MARK4: variants seen among roughly 807,000 people sequenced by gnomAD.
MARK4 encodes microtubule affinity regulating kinase 4, also known as MAP/microtubule affinity-regulating kinase 4.
Under a neutral mutation model 81.5 loss-of-function variants are expected in MARK4, and 19 were observed. The observed-to-expected ratio is 0.23, with a 90% CI of 0.16 to 0.34. The LOEUF (loss-of-function observed/expected upper bound fraction) is 0.34, where lower values mean the gene tolerates loss of function less well. MARK4 is among the 10% of genes least tolerant of loss of function. The pLI, the probability that MARK4 is intolerant of heterozygous loss-of-function variation, is 1.00. For synonymous variants in MARK4, 436 were observed against 439.0 expected (o/e 0.99, Z 0.08); for missense variants, 772 against 1,058.8 (o/e 0.73, Z 3.76).
chr19:45,278,880 C>T (rs1205568078), intron 10 of MARK4, among the ~76,000 whole-genome samples: 1 of 152,146 alleles, frequency 6.6e-6, no homozygotes, highest in Non-Finnish European at 1.5e-5. Flanking sequence ...GCCAGGATCA[C>T]AGGTGTGAGC....
At chr19:45,285,092 A>AAAAAC (rs1010964942) in intron 12 of MARK4, among the ~76,000 whole-genome samples, 5 of 151,418 alleles carry the variant, frequency 3.3e-5, no homozygotes, top group African/African-American at 9.7e-5. Flanking sequence ...ACTCTGTCTC[A>AAAAAC]AAAACAAAAC....
chr19:45,284,952 G>T (rs1970722767), intron 12 of MARK4, among the ~76,000 whole-genome samples: 1 of 152,090 alleles, frequency 6.6e-6, no homozygotes, highest in South Asian at 2.1e-4. Flanking sequence ...TTAGCCGGGT[G>T]TGGTGGTGAG....
chr19:45,280,831 C>G, intron 12 of MARK4, 97 bp downstream of exon 12: 1 of 1,509,520 alleles, frequency 6.6e-7, no homozygotes, highest in Non-Finnish European at 9.0e-7. Flanking sequence ...CAACAGAAAC[C>G]CACTGGAGCT....
At chr19:45,264,391 C>G (rs1041058572) in intron 4 of MARK4, among the ~76,000 whole-genome samples, 11 of 151,638 alleles carry the variant, frequency 7.3e-5, no homozygotes, top group Admixed American at 6.6e-5. Context: ...ATCCCAGCTA[C>G]TCGGGAGGCT....
At chr19:45,259,997 GA>G (rs1970360458) in intron 2 of MARK4, among the ~76,000 whole-genome samples, 1 of 151,858 alleles carries the variant, frequency 6.6e-6, no homozygotes, top group Admixed American at 6.6e-5. Context: ...TGAGCCAGGA[GA>G]ATCGCTTGAA....
chr19:45,289,405 A>AG (rs1970792737), intron 13 of MARK4, among the ~76,000 whole-genome samples: 1 of 150,712 alleles, frequency 6.6e-6, no homozygotes, highest in Non-Finnish European at 1.5e-5. Context: ...AAAAAAAAAA[A>AG]AAAGCATGGG....
intron 7 of MARK4, 113 bp downstream of exon 7, chr19:45,266,394 T>C: frequency 1.0e-6 from 1 of 987,934 alleles, no homozygotes; most frequent in Non-Finnish European, 1.6e-6. Flanking sequence ...CCAGCCCTTT[T>C]CTCCTCCTGC....
rs373164717 is a variant in MARK4 at position 45,271,753 on chromosome 19, G to T, written c.786+45G>T. The T allele has an allele frequency of 3.2e-6, 5 of 1,565,860 alleles. No individual in the cohort carries two copies. Among genetic ancestry groups the T allele is most frequent in the Admixed American group, 3.5e-5 (2 of 57,540 alleles). On this transcript the variant is annotated intron_variant, in intron 8 of 16. Coordinates refer to ENST00000262891, the MANE Select transcript of MARK4 (RefSeq NM_001199867.2). This position sits in a 1 kb window ranked among gnomAD's most constrained non-coding sequence, Gnocchi z 4.1. ...GCAGGGGCATCAGCCCCTCCCCACAGTCAGGCCCCTATCCCCCCCACACCT... is the reference window on the plus strand; with the variant it reads ...GCAGGGGCATCAGCCCCTCCCCACATTCAGGCCCCTATCCCCCCCACACCT...
At chr19:45,295,414 CTG>C (rs1399151202) in intron 14 of MARK4, among the ~76,000 whole-genome samples, 1 of 152,048 alleles carries the variant, frequency 6.6e-6, no homozygotes, top group Non-Finnish European at 1.5e-5. Context: ...AATCTTACCT[CTG>C]TGCTCACACT....
intron 1 of MARK4, among the ~76,000 whole-genome samples, chr19:45,254,707 G>A (rs1018412180): frequency 5.3e-5 from 8 of 152,224 alleles, no homozygotes; most frequent in Non-Finnish European, 1.5e-5. Flanking sequence ...TGGCCGTGGT[G>A]GTTGGAACTG....
intron 12 of MARK4, among the ~76,000 whole-genome samples, chr19:45,284,490 T>C (rs1185335208): frequency 6.6e-6 from 1 of 152,014 alleles, no homozygotes; most frequent in Non-Finnish European, 1.5e-5. Flanking sequence ...GCCCAGCTAA[T>C]TTTTTGTATT....
chr19:45,267,055 C>T (rs933983427), intron 7 of MARK4, among the ~76,000 whole-genome samples: 3 of 151,384 alleles, frequency 2.0e-5, no homozygotes, highest in Non-Finnish European at 4.4e-5. Flanking sequence ...CTTAAGAAGG[C>T]TTCGTTTTTA....
intron 4 of MARK4, 117 bp downstream of exon 4, chr19:45,263,484 G>A (rs1276610844): frequency 1.2e-5 from 15 of 1,301,122 alleles, no homozygotes; most frequent in Non-Finnish European, 1.6e-5. Flanking sequence ...GCTCACTCCT[G>A]TAATCCCAGC....
At chr19:45,274,344 C>G (rs1182153318) in intron 8 of MARK4, among the ~76,000 whole-genome samples, 1 of 151,812 alleles carries the variant, frequency 6.6e-6, no homozygotes, top group Non-Finnish European at 1.5e-5. Context: ...TCAAGACAGC[C>G]TTCTGGCCGG....
At position 45,251,603 on chromosome 19, in the gene MARK4, G is replaced by C; in HGVS notation, c.15G>C (p.Thr5=). MSSR[T]VLAPGNDRNS... Reference sequence around the variant, plus strand: ...ACCCGGAGAAGATGTCTTCGCGGACGGTGCTGGCCCCGGGCAACGATCGGA... The same window carrying C: ...ACCCGGAGAAGATGTCTTCGCGGACCGTGCTGGCCCCGGGCAACGATCGGA... The change falls in exon 1 of 17, where the codon ACG becomes ACC. Residue 5 remains threonine (T), a synonymous_variant. Transcript: ENST00000262891. 1 of 1,336,062 alleles carries C rather than the reference G, an allele frequency of 7.5e-7. No individual in the cohort carries two copies. Among genetic ancestry groups the C allele is most frequent in the African/African-American group, 1.7e-5 (1 of 60,214 alleles). The allele number at this position is 1,336,062 out of a possible 1,614,324, so 82.8% of individuals were successfully genotyped here. A position where few individuals can be genotyped will look rare whatever the true frequency, so the allele number is the denominator to read the frequency against.
chr19:45,256,339 G>C (rs1416943153), intron 1 of MARK4, among the ~76,000 whole-genome samples: 2 of 152,202 alleles, frequency 1.3e-5, no homozygotes, highest in Admixed American at 1.3e-4. Context: ...CGGGAAAGCT[G>C]AGGCAGGAGA....
In MARK4 at chr19:45,281,364, TTTC is replaced by T. The variant is rs1970671751; in HGVS notation, c.1276+633_1276+635del. 5.1e-5 allele frequency among the ~76,000 whole-genome samples: 6 copies of T among 118,104 alleles called. No homozygotes were observed. In the South Asian group the frequency reaches 1.2e-3, roughly 24 times the overall value. The allele number at this position is 118,104 out of a possible 152,430, so 77.5% of individuals were successfully genotyped here. A position where few individuals can be genotyped will look rare whatever the true frequency, so the allele number is the denominator to read the frequency against. ...GTGCCCAGCCTTTTCTTTTCTTTTC[TTTC>T]TTTTTTTTTTTGAGACAGAGTCTCA... On this transcript the variant is annotated intron_variant, in intron 12 of 16. Coordinates refer to ENST00000262891, the MANE Select transcript of MARK4 (RefSeq NM_001199867.2).
At position 45,262,794 on chromosome 19, in the gene MARK4, G is replaced by C. The variant is rs1179096331; in HGVS notation, c.253-319G>C. Among the ~76,000 whole-genome samples, 5 of 152,194 alleles carry C rather than the reference G, an allele frequency of 3.3e-5. No homozygotes were observed. In the East Asian group the frequency reaches 9.6e-4, roughly 29 times the overall value. On this transcript the variant is annotated intron_variant, in intron 2 of 16. Coordinates refer to ENST00000262891, the MANE Select transcript of MARK4 (RefSeq NM_001199867.2). ...GGGCAAAGGAAGGATATCCCAGGGT[G>C]ATCTGAGCTGGGCCAGCTGGAGTGC...
Position 45,251,574 on chromosome 19 carries a change from C to A in MARK4, c.-15C>A. On this transcript the variant is annotated 5_prime_UTR_variant, in exon 1 of 17. Transcript: ENST00000262891. The stretch of plus-strand genomic sequence containing the variant: ...CCCCCACCCGGCCGCCCCTGCCCCC[C>A]GGGACCCGGAGAAGATGTCTTCGCG... The A allele has an allele frequency of 7.3e-7, 1 of 1,367,074 alleles. No individual in the cohort carries two copies. Among genetic ancestry groups the A allele is most frequent in the Admixed American group, 3.8e-5 (1 of 25,996 alleles). The allele number at this position is 1,367,074 out of a possible 1,614,324, so 84.7% of individuals were successfully genotyped here.
Sources: allele counts gnomAD v4.1 joint callset (sites outside exome capture counted in the v4.1 genomes callset), GRCh38; gene constraint gnomAD v4.1.1; non-coding constraint Gnocchi (gnomAD v3.1); transcripts MANE v1.5; gene names NCBI Gene and HGNC (gene_info 2026-07-23, HGNC 2026-07-21).